MDGA2: variants seen among roughly 807,000 people sequenced by gnomAD.
MDGA2 encodes MAM domain-containing glycosylphosphatidylinositol anchor protein 2.
A neutral mutation model predicts 117.8 loss-of-function variants in MDGA2; 40 were observed. The ratio of observed to expected loss-of-function variants is 0.34; its 90% CI spans 0.26 to 0.44. The LOEUF is 0.44. Among genes scored for constraint, MDGA2 ranks in the 20% least tolerant of loss-of-function variants. The pLI, the probability that MDGA2 is intolerant of heterozygous loss-of-function variation, is 1.00. For synonymous variants in MDGA2, 452 were observed against 439.0 expected (o/e 1.03, Z -0.37); for missense variants, 1,123 against 1,250.6 (o/e 0.90, Z 1.54).
At chr14:47,017,455 G>A (rs1594531155) in intron 8 of MDGA2, among the ~76,000 whole-genome samples, 1 of 152,016 alleles carries the variant, frequency 6.6e-6, no homozygotes, top group East Asian at 1.9e-4. Context: ...ATTATGTCCA[G>A]CTACAAAGAG....
At chr14:47,031,173 A>T (rs1888651277) in intron 8 of MDGA2, among the ~76,000 whole-genome samples, 1 of 151,548 alleles carries the variant, frequency 6.6e-6, no homozygotes, top group Admixed American at 6.6e-5. Flanking sequence ...GATATTTAGA[A>T]CTATAAGTGG....
chr14:47,361,881 C>T (rs1891133761), intron 1 of MDGA2, among the ~76,000 whole-genome samples: 1 of 152,124 alleles, frequency 6.6e-6, no homozygotes, highest in East Asian at 1.9e-4. Flanking sequence ...GCTGGAATTA[C>T]CTAATTCGAA....
intron 5 of MDGA2, among the ~76,000 whole-genome samples, chr14:47,129,199 C>T (rs1882063664): frequency 6.6e-6 from 1 of 151,854 alleles, no homozygotes; most frequent in Admixed American, 6.6e-5. Flanking sequence ...CACCCACTAA[C>T]TCGTCATCTA....
chr14:47,071,939 A>G (rs574771685), intron 6 of MDGA2, among the ~76,000 whole-genome samples: 1 of 152,220 alleles, frequency 6.6e-6, no homozygotes, highest in South Asian at 2.1e-4. Flanking sequence ...TAACTACTGT[A>G]ACTTTATACA....
chr14:47,191,874 G>A (rs1187537924), intron 3 of MDGA2, among the ~76,000 whole-genome samples: 2 of 152,084 alleles, frequency 1.3e-5, no homozygotes, highest in Non-Finnish European at 2.9e-5. Flanking sequence ...ACATAGGGAG[G>A]GAATACCAAG....
At chr14:47,423,675 A>G (rs1056989134) in intron 1 of MDGA2, among the ~76,000 whole-genome samples, 2 of 152,306 alleles carry the variant, frequency 1.3e-5, no homozygotes, top group Admixed American at 1.3e-4. Context: ...GCTTTTTAAG[A>G]ATCATGTGAT....
chr14:47,658,130 G>C (rs1037982208), intron 1 of MDGA2, among the ~76,000 whole-genome samples: 13 of 151,920 alleles, frequency 8.6e-5, no homozygotes, highest in Non-Finnish European at 1.8e-4. Context: ...CTGTTTATTT[G>C]GGCTCCTTAT....
intron 8 of MDGA2, among the ~76,000 whole-genome samples, chr14:46,982,757 G>A (rs972997765): frequency 6.9e-6 from 1 of 144,216 alleles, no homozygotes; most frequent in Non-Finnish European, 1.5e-5. Flanking sequence ...TGCAACCAGG[G>A]ACAATTTGAC....
chr14:47,003,367 G>GAAA (rs34952989), intron 8 of MDGA2, among the ~76,000 whole-genome samples: 1 of 148,328 alleles, frequency 6.7e-6, no homozygotes. Context: ...AAAACAAAAT[G>GAAA]AAAAAAAAAA....
intron 2 of MDGA2, among the ~76,000 whole-genome samples, chr14:47,295,890 G>C (rs1373868829): frequency 6.6e-6 from 1 of 151,696 alleles, no homozygotes; most frequent in Admixed American, 6.6e-5. Context: ...GGACGACAGA[G>C]TGAGACTCTG....
chr14:46,994,245 G>A (rs1197916798), intron 8 of MDGA2, among the ~76,000 whole-genome samples: 1 of 152,064 alleles, frequency 6.6e-6, no homozygotes, highest in Non-Finnish European at 1.5e-5. Context: ...ACCCTACCAA[G>A]CTCTGCCCTA....
chr14:47,173,941 G>A (rs1465505009), intron 3 of MDGA2, among the ~76,000 whole-genome samples: 1 of 152,034 alleles, frequency 6.6e-6, no homozygotes. Context: ...CAAAATAAAA[G>A]GATGGAGGAA....
intron 9 of MDGA2, among the ~76,000 whole-genome samples, chr14:46,943,606 T>C (rs933362519): frequency 7.9e-5 from 12 of 152,068 alleles, no homozygotes; most frequent in Admixed American, 7.9e-4. Context: ...CCATACTTCA[T>C]GATTCTCTGA....
intron 6 of MDGA2, among the ~76,000 whole-genome samples, chr14:47,063,566 CAT>C (rs972963528): frequency 1.3e-5 from 2 of 151,856 alleles, no homozygotes; most frequent in Non-Finnish European, 2.9e-5. Flanking sequence ...CAAAGCAAAT[CAT>C]ATGAGTATAA....
At position 47,093,457 on chromosome 14, in the gene MDGA2, C is replaced by T. The variant is rs192323188; in HGVS notation, c.1195+3397G>A. Among the ~76,000 whole-genome samples the T allele has an allele frequency of 4.8e-4, 73 of 152,152 alleles. 1 individual carries two copies. The East Asian group carries it at 0.011, about 22-fold the overall frequency. ...AGACCTTTACATGGAAGTGACATATCTAACAGGAGTTTGGAAAGCATTGAG... is the reference window on the plus strand; with the variant it reads ...AGACCTTTACATGGAAGTGACATATTTAACAGGAGTTTGGAAAGCATTGAG... On this transcript the variant is annotated intron_variant, in intron 6 of 16. Coordinates refer to ENST00000399232, the MANE Select transcript of MDGA2 (RefSeq NM_001113498.3).
chr14:47,324,705 T>C (rs1890089914), intron 1 of MDGA2, among the ~76,000 whole-genome samples: 1 of 152,184 alleles, frequency 6.6e-6, no homozygotes, highest in Admixed American at 6.5e-5. Flanking sequence ...CTAGTATCAG[T>C]TGATTTATCT....
chr14:47,506,624 T>C (rs1365418102), intron 1 of MDGA2, among the ~76,000 whole-genome samples: 1 of 152,208 alleles, frequency 6.6e-6, no homozygotes, highest in Non-Finnish European at 1.5e-5. Flanking sequence ...TCCAGTATGG[T>C]AGCCACTAGC....
chr14:47,536,274 A>T (rs529040397), intron 1 of MDGA2, among the ~76,000 whole-genome samples: 1 of 152,380 alleles, frequency 6.6e-6, no homozygotes, highest in African/African-American at 2.4e-5. Flanking sequence ...CAAATGAATC[A>T]TTAAAAACAA....
chr14:47,168,491 T>C (rs561789314), intron 3 of MDGA2, among the ~76,000 whole-genome samples: 1 of 152,186 alleles, frequency 6.6e-6, no homozygotes, highest in African/African-American at 2.4e-5. Context: ...ATATAAGCTA[T>C]TGTTTTTCTT....
Sources: gnomAD v4.1 joint callset for allele counts (sites outside exome capture counted in the v4.1 genomes callset) on GRCh38, gnomAD v4.1.1 for gene constraint, MANE v1.5 for transcripts, NCBI Gene and HGNC (gene_info 2026-07-23, HGNC 2026-07-21) for gene names.